Variants in MACROD2 observed in about 807,000 individuals in gnomAD.
The protein encoded by MACROD2 is ADP-ribose glycohydrolase MACROD2.
Under a neutral mutation model 70.4 loss-of-function variants are expected in MACROD2, and 36 were observed. The ratio of observed to expected loss-of-function variants is 0.51; its 90% CI spans 0.39 to 0.68. The LOEUF (loss-of-function observed/expected upper bound fraction) is 0.68, where lower values mean the gene tolerates loss of function less well. Among genes scored for constraint, MACROD2 ranks in the 30% least tolerant of loss-of-function variants. MACROD2 has a pLI of 0.00. For missense variants in MACROD2, 496 were observed against 538.4 expected (o/e 0.92, Z 0.78); for synonymous variants, 172 against 178.8 (o/e 0.96, Z 0.30).
At chr20:15,908,778 A>T (rs1034626928) in intron 10 of MACROD2, among the ~76,000 whole-genome samples, 1 of 151,956 alleles carries the variant, frequency 6.6e-6, no homozygotes, top group African/African-American at 2.4e-5. Flanking sequence ...CTGGCATTGC[A>T]TGGGATTTTT....
rs202206180 is a variant in MACROD2, at chr20:15,986,162, G to A, written c.986-565G>A. 3.1e-3 allele frequency among the ~76,000 whole-genome samples: 475 copies of A among 152,308 alleles called. 5 individuals carry two copies. The East Asian group carries it at 0.032, about 10-fold the overall frequency. ...GCTGGTGCCGGGCTGCCTGTCTTTG[G>A]TTTTACTTCCTTGTTTTTCTCTCAA... is the stretch of plus-strand genomic sequence containing the variant. On this transcript the variant is annotated intron_variant, in intron 13 of 17. Coordinates refer to ENST00000684519, the MANE Select transcript of MACROD2 (RefSeq NM_001351661.2).
intron 4 of MACROD2, among the ~76,000 whole-genome samples, chr20:14,647,314 G>T (rs1264431824): frequency 6.6e-6 from 1 of 152,066 alleles, no homozygotes; most frequent in African/African-American, 2.4e-5. Context: ...TTGAAGTTTT[G>T]TTTCAGCAGC....
rs569996631 is a variant in MACROD2, at chr20:15,143,429, T to C, written c.419-86511T>C. On this transcript the variant is annotated intron_variant, in intron 5 of 17. Coordinates refer to ENST00000684519, the MANE Select transcript of MACROD2 (RefSeq NM_001351661.2). ...GGATATTAGCCCTTTGTCAGATGAG[T>C]AGATTGTAAAAATTTGTTCCCATTC... Among the ~76,000 whole-genome samples, 6 of 152,302 alleles carry C rather than the reference T, an allele frequency of 3.9e-5. No individual in the cohort carries two copies. The East Asian group carries it at 1.2e-3, about 29-fold the overall frequency.
In MACROD2 at chr20:14,349,305, C is replaced by T. The variant is rs918901781; in HGVS notation, c.272-144174C>T. On this transcript the variant is annotated intron_variant, in intron 3 of 17. Transcript: ENST00000684519. ...ACTAGGTATATATATTTATGAGGTA[C>T]ATGAGATACTTTAATACAAGAATGC... Among the ~76,000 whole-genome samples the T allele has an allele frequency of 3.4e-5, 5 of 148,666 alleles. No individual in the cohort carries two copies. The South Asian group carries it at 6.3e-4, about 19-fold the overall frequency.
chr20:14,259,318 A>G (rs1377631841), intron 3 of MACROD2, among the ~76,000 whole-genome samples: 4 of 152,354 alleles, frequency 2.6e-5, no homozygotes, highest in Admixed American at 2.6e-4. Context: ...ACAAATTCAT[A>G]TATAAACTTA....
chr20:15,769,297 G>A (rs6034284), intron 8 of MACROD2, among the ~76,000 whole-genome samples: 3,098 of 152,088 alleles, frequency 0.02, 83 homozygotes, highest in African/African-American at 0.058. Context: ...ACAGGCGTGC[G>A]CCACCACGCC....
At chr20:15,326,455 A>G (rs1457962909) in intron 6 of MACROD2, among the ~76,000 whole-genome samples, 1 of 152,162 alleles carries the variant, frequency 6.6e-6, no homozygotes, top group Admixed American at 6.6e-5. Context: ...AATTTTAAAA[A>G]TATGAAGACC....
At chr20:15,802,837 T>C in intron 8 of MACROD2, among the ~76,000 whole-genome samples, 1 of 152,024 alleles carries the variant, frequency 6.6e-6, no homozygotes, top group East Asian at 1.9e-4. Flanking sequence ...AATGAGACGT[T>C]ACAACTGATA....
chr20:14,321,194 G>A (rs527290099), intron 3 of MACROD2, among the ~76,000 whole-genome samples: 5 of 151,954 alleles, frequency 3.3e-5, no homozygotes, highest in Non-Finnish European at 7.4e-5. Context: ...GTGAAACCCC[G>A]TCTCTACTAA....
chr20:15,545,282 C>T (rs888189658), intron 8 of MACROD2, among the ~76,000 whole-genome samples: 1 of 152,220 alleles, frequency 6.6e-6, no homozygotes, highest in Non-Finnish European at 1.5e-5. Flanking sequence ...TGAAGGTTTC[C>T]TTAAAACAGT....
chr20:15,068,483 T>C (rs1262377047), intron 5 of MACROD2, among the ~76,000 whole-genome samples: 1 of 152,138 alleles, frequency 6.6e-6, no homozygotes, highest in Non-Finnish European at 1.5e-5. Context: ...GGTGGGGGTC[T>C]AGTGGGAGGT....
In MACROD2 at chr20:15,206,729, T is replaced by TTTTTTTTTTTTTTG. The variant is rs1280649800; in HGVS notation, c.419-23198_419-23197insGTTTTTTTTTTTTT. On this transcript the variant is annotated intron_variant, in intron 5 of 17. Transcript: ENST00000684519. The stretch of plus-strand genomic sequence containing the variant: ...TCTTTCATATTATCTATGTTTTTTT[T>TTTTTTTTTTTTTTG]TTTTTTTTTTTTTTTTTTGAGACGG... Among the ~76,000 whole-genome samples, 84 of 67,110 alleles carry TTTTTTTTTTTTTTG rather than the reference T, an allele frequency of 1.3e-3. 11 individuals are homozygous for TTTTTTTTTTTTTTG. The highest frequency in any genetic ancestry group is 2.1e-3 in the Non-Finnish European group (72 of 34,268). 44.0% of individuals were successfully genotyped at this position (67,110 alleles called of 152,430 possible).
chr20:15,871,908 C>T (rs954243374), intron 9 of MACROD2, among the ~76,000 whole-genome samples: 23 of 152,132 alleles, frequency 1.5e-4, no homozygotes, highest in African/African-American at 5.3e-4. Flanking sequence ...TAACTCAATT[C>T]ACGACTTGAG....
intron 5 of MACROD2, among the ~76,000 whole-genome samples, chr20:14,727,731 A>G (rs1391731888): frequency 6.6e-6 from 1 of 152,176 alleles, no homozygotes; most frequent in African/African-American, 2.4e-5. Flanking sequence ...TGCCAGGTAG[A>G]TCTGCAAGAT....
chr20:15,208,006 ACTTT>A (rs1173922769), intron 5 of MACROD2, among the ~76,000 whole-genome samples: 1 of 151,894 alleles, frequency 6.6e-6, no homozygotes, highest in African/African-American at 2.4e-5. Flanking sequence ...TTTTAGCCCC[ACTTT>A]CTTTCTGTTC....
intron 3 of MACROD2, among the ~76,000 whole-genome samples, chr20:14,410,019 C>A (rs1269306095): frequency 6.6e-6 from 1 of 152,078 alleles, no homozygotes. Context: ...GCTCCTGAAG[C>A]CAACTCAGCT....
intron 3 of MACROD2, 144 bp from the exon 4 acceptor site, chr20:14,493,335 G>A (rs2084815466): frequency 6.0e-6 from 3 of 504,010 alleles, no homozygotes; most frequent in Admixed American, 6.8e-5. Context: ...AATACAGGCT[G>A]TCTTTAAATG....
At chr20:14,190,673 C>CATATATATATATATATAT (rs1165737410) in intron 3 of MACROD2, among the ~76,000 whole-genome samples, 1 of 39,132 alleles carries the variant, frequency 2.6e-5, no homozygotes, top group Non-Finnish European at 4.2e-5. Flanking sequence ...GTATTCATTC[C>CATATATATATATATATAT]ATATATATAT....
intron 12 of MACROD2, among the ~76,000 whole-genome samples, chr20:15,959,795 G>A (rs1310621291): frequency 6.6e-6 from 1 of 152,020 alleles, no homozygotes; most frequent in African/African-American, 2.4e-5. Context: ...GCCTCCCAAA[G>A]TGCTGGGATT....
Sources: gnomAD v4.1 joint callset for allele counts (sites outside exome capture counted in the v4.1 genomes callset) on GRCh38, gnomAD v4.1.1 for gene constraint, MANE v1.5 for transcripts, NCBI Gene and HGNC (gene_info 2026-07-23, HGNC 2026-07-21) for gene names.